Variants in AKAP13 observed in about 807,000 individuals in gnomAD.
AKAP13 encodes A-kinase anchor protein 13.
Under a neutral mutation model 264.5 loss-of-function variants are expected in AKAP13, and 80 were observed. That is an observed-to-expected ratio of 0.30 (90% CI 0.25 to 0.36). AKAP13 has a LOEUF of 0.36. AKAP13 is among the 10% of genes least tolerant of loss of function. The probability of loss-of-function intolerance (pLI) is 1.00; values close to 1 mark genes in which losing one functional copy is unlikely to be tolerated. For missense variants in AKAP13, 3,712 were observed against 3,435.2 expected (o/e 1.08, Z -2.01); for synonymous variants, 1,380 against 1,250.2 (o/e 1.10, Z -2.19).
rs996964438 is a variant in AKAP13, at chr15:85,744,878, G to T, written c.*201G>T. ...GGGAAGGAGGCCCAGACTCTGCTTC[G>T]GCCATGATTTGTGACTGCCCAGGAC... On this transcript the variant is annotated 3_prime_UTR_variant, in exon 37 of 37. Coordinates refer to ENST00000394518, the MANE Select transcript of AKAP13 (RefSeq NM_007200.5). 8 of 516,626 alleles carry T rather than the reference G, an allele frequency of 1.5e-5. No homozygotes were observed. The highest frequency in any genetic ancestry group is 2.4e-5 in the Non-Finnish European group (7 of 296,912). 32.0% of individuals were successfully genotyped at this position (516,626 alleles called of 1,614,324 possible).
intron 16 of AKAP13, among the ~76,000 whole-genome samples, chr15:85,691,579 A>G (rs933381088): frequency 6.6e-6 from 1 of 152,188 alleles, no homozygotes; most frequent in Non-Finnish European, 1.5e-5. Context: ...TGTCTCTAGA[A>G]CATTTCTGAC....
chr15:85,466,907 G>A (rs1192890935), intron 1 of AKAP13, among the ~76,000 whole-genome samples: 2 of 150,758 alleles, frequency 1.3e-5, no homozygotes, highest in Admixed American at 1.3e-4. Context: ...TTTTTATTTT[G>A]TTTACCATCC....
intron 25 of AKAP13, 108 bp downstream of exon 25, chr15:85,722,455 A>T: frequency 1.1e-6 from 1 of 900,470 alleles, no homozygotes; most frequent in Non-Finnish European, 1.7e-6. Context: ...AGTATGTCTA[A>T]AAGAGACCTT....
At chr15:85,381,788 A>G (rs2070286635) in intron 1 of AKAP13, 1 of 152,110 alleles carries the variant, frequency 6.6e-6, no homozygotes, top group Non-Finnish European at 1.5e-5. Flanking sequence ...TTATTGCTTC[A>G]GTACAGTAAA....
intron 5 of AKAP13, among the ~76,000 whole-genome samples, chr15:85,546,521 A>G (rs530833412): frequency 6.6e-6 from 1 of 152,320 alleles, no homozygotes; most frequent in Admixed American, 6.5e-5. Flanking sequence ...ACAAGGTGGT[A>G]TGACCAGAAA....
intron 3 of AKAP13, among the ~76,000 whole-genome samples, chr15:85,530,721 G>A (rs187978026): frequency 6.6e-4 from 101 of 152,254 alleles, no homozygotes; most frequent in African/African-American, 2.3e-3. Flanking sequence ...ACGAACCACA[G>A]CATTTCTTCT....
At chr15:85,673,852 A>ATT (rs140794268) in intron 14 of AKAP13, among the ~76,000 whole-genome samples, 102 of 146,574 alleles carry the variant, frequency 7.0e-4, no homozygotes, top group African/African-American at 2.4e-3. Context: ...CACCCGGCTA[A>ATT]TTTTTTTTTT....
chr15:85,399,964 A>G (rs1481431831), intron 1 of AKAP13, among the ~76,000 whole-genome samples: 1 of 152,096 alleles, frequency 6.6e-6, no homozygotes, highest in Non-Finnish European at 1.5e-5. Flanking sequence ...TATTTATTTC[A>G]TTATTATTTT....
At chr15:85,546,742 T>TC (rs1379019361) in intron 5 of AKAP13, among the ~76,000 whole-genome samples, 1 of 151,916 alleles carries the variant, frequency 6.6e-6, no homozygotes, top group East Asian at 1.9e-4. Context: ...CTTTCTTTTT[T>TC]TTTTTTTTTT....
chr15:85,486,754 T>TTTG (rs2075563837), intron 2 of AKAP13, among the ~76,000 whole-genome samples: 2 of 148,588 alleles, frequency 1.3e-5, no homozygotes, highest in Admixed American at 6.7e-5. Flanking sequence ...TTTTTTTTTT[T>TTTG]TTTGGATGGA....
chr15:85,619,237 A>G (rs1179247589), intron 8 of AKAP13: 3 of 357,558 alleles, frequency 8.4e-6, no homozygotes, highest in East Asian at 1.7e-4. Flanking sequence ...TCATGTTCCC[A>G]CAACTGCAAT....
intron 8 of AKAP13, among the ~76,000 whole-genome samples, chr15:85,592,796 T>C (rs2079640429): frequency 6.6e-6 from 1 of 152,180 alleles, no homozygotes; most frequent in African/African-American, 2.4e-5. Flanking sequence ...GGAAAAGAAG[T>C]ACCTCAGAGA....
chr15:85,704,710 T>G (rs2086130798), intron 17 of AKAP13, among the ~76,000 whole-genome samples: 1 of 152,204 alleles, frequency 6.6e-6, no homozygotes, highest in Non-Finnish European at 1.5e-5. Context: ...AATAAATAAA[T>G]AAAAGGCCAG....
At chr15:85,610,326 C>A (rs1302738158) in intron 8 of AKAP13, among the ~76,000 whole-genome samples, 1 of 152,082 alleles carries the variant, frequency 6.6e-6, no homozygotes, top group African/African-American at 2.4e-5. Flanking sequence ...ATTTCCTTTC[C>A]AAAACACTTG....
Position 85,718,282 on chromosome 15 carries a change from T to C in AKAP13, c.6001+123T>C. ...TGTGGCTTCTTGAAAAGATTTCCTT[T>C]AAAAACTTTAAGGTACAGAGACGTG... On this transcript the variant is annotated intron_variant, in intron 22 of 36. Coordinates refer to ENST00000394518, the MANE Select transcript of AKAP13 (RefSeq NM_007200.5). This position sits in a 1 kb window ranked among gnomAD's most constrained non-coding sequence, Gnocchi z 4.9. 2 of 1,204,428 alleles carry C rather than the reference T, an allele frequency of 1.7e-6. No homozygotes were observed. The highest frequency in any genetic ancestry group is 2.3e-6 in the Non-Finnish European group (2 of 865,710). 74.6% of individuals were successfully genotyped at this position (1,204,428 alleles called of 1,614,324 possible). A position where few individuals can be genotyped will look rare whatever the true frequency, so the allele number is the denominator to read the frequency against.
At position 85,579,662 on chromosome 15, in the gene AKAP13, A is replaced by G. The variant is rs868652104; in HGVS notation, c.1594A>G (p.Ser532Gly). The change falls in exon 7 of 37, where the codon AGT becomes GGT. Residue 532 changes from serine to glycine, a missense_variant. Ser to Gly is a moderately conservative substitution (Grantham distance 56). Around this residue, in one of 3 missense-constraint regions of AKAP13, gnomAD observed 2,759 missense variants for 2,411.7 expected, o/e 1.14. Transcript: ENST00000394518. Reference sequence around the variant, plus strand: ...CACAAGTAAGCCTGTGGATAAAATCAGTGTTCCAAACTGTGCCCCTGCTGC... The same window carrying G: ...CACAAGTAAGCCTGTGGATAAAATCGGTGTTCCAAACTGTGCCCCTGCTGC... ...HVTSKPVDKI[S>G]VPNCAPAASS... 7 of 1,614,100 alleles carry G rather than the reference A, an allele frequency of 4.3e-6. No individual in the cohort carries two copies. The African/African-American group carries it at 9.3e-5, about 22-fold the overall frequency.
In AKAP13 at chr15:85,726,467, A is replaced by G. The variant is rs770949012; in HGVS notation, c.6803A>G (p.Lys2268Arg). Residue 2268 changes from lysine to arginine, a missense_variant, in exon 27 of 37, where the codon AAG becomes AGG. Lys to Arg is a conservative substitution (Grantham distance 26). This residue lies in a region of AKAP13 where 342 missense variants were observed against 484.3 expected (regional missense o/e 0.71). Coordinates refer to ENST00000394518, the MANE Select transcript of AKAP13 (RefSeq NM_007200.5). ...GTTTTCCTTCAAGAAAAAGACCAGAAGTACATCTTTGCATCATTGGTAAGC... is the reference window on the plus strand; with the variant it reads ...GTTTTCCTTCAAGAAAAAGACCAGAGGTACATCTTTGCATCATTGGTAAGC... ...ILVFLQEKDQ[K>R]YIFASLDQKS... The G allele has an allele frequency of 1.9e-6, 3 of 1,613,348 alleles. No individual in the cohort carries two copies. Among genetic ancestry groups the G allele is most frequent in the Non-Finnish European group, 2.5e-6 (3 of 1,179,318 alleles).
intron 1 of AKAP13, among the ~76,000 whole-genome samples, chr15:85,410,508 A>T (rs2071910220): frequency 6.6e-6 from 1 of 151,252 alleles, no homozygotes; most frequent in South Asian, 2.1e-4. Flanking sequence ...AACTCCTTCT[A>T]CCTTGACCTT....
chr15:85,664,776 A>G (rs1262443133), intron 13 of AKAP13, 21 bp downstream of exon 13: 1 of 1,594,554 alleles, frequency 6.3e-7, no homozygotes, highest in Non-Finnish European at 8.6e-7. Context: ...AATATGTCTA[A>G]TTTGGAAAAA....
Sources: gnomAD v4.1 joint callset for allele counts (sites outside exome capture counted in the v4.1 genomes callset) on GRCh38, gnomAD v4.1.1 for gene constraint, gnomAD v4.1.1 regional missense constraint, Gnocchi (gnomAD v3.1) non-coding constraint, MANE v1.5 for transcripts, NCBI Gene and HGNC (gene_info 2026-07-23, HGNC 2026-07-21) for gene names.